C1RL: variants seen among roughly 807,000 people sequenced by gnomAD.
C1RL encodes complement C1r subcomponent like.
C1RL carries 27 observed loss-of-function variants against 27.9 expected under a neutral mutation model. The observed-to-expected ratio is 0.97, with a 90% CI of 0.71 to 1.33. C1RL has a LOEUF of 1.33. Among genes scored for constraint, C1RL ranks in the 40% most tolerant of loss-of-function variants. The pLI is 0.00. For synonymous variants in C1RL, 248 were observed against 252.1 expected, an observed-to-expected ratio of 0.98 and a Z score of 0.15; for missense variants, 563 against 623.9, an observed-to-expected ratio of 0.90 and a Z score of 1.04.
At chr12:7,099,073 A>T (rs1938535111) in intron 5 of C1RL, among the ~76,000 whole-genome samples, 1 of 150,942 alleles carries the variant, frequency 6.6e-6, no homozygotes. Context: ...TAAAATAAAA[A>T]AATGAGCTGG....
rs780421265 is a variant in C1RL, at chr12:7,098,983, G to A, written c.691+703C>T. On this transcript the variant is annotated intron_variant, in intron 5 of 5. Coordinates refer to ENST00000266542, the MANE Select transcript of C1RL (RefSeq NM_016546.4). ...GGCTGAGGCGGGACGATCACCTGAGGTCAGGAGTTCAAGACCAGCCTGACC... is the reference window on the plus strand; with the variant it reads ...GGCTGAGGCGGGACGATCACCTGAGATCAGGAGTTCAAGACCAGCCTGACC... Among the ~76,000 whole-genome samples, 3 of 151,018 alleles carry A rather than the reference G, an allele frequency of 2.0e-5. No homozygotes were observed. In the East Asian group the frequency reaches 5.8e-4, roughly 29 times the overall value.
At chr12:7,109,021 A>AGGGGGGGGGGGGGGGGGGGGGGGGGGGG (rs1938872852) in intron 1 of C1RL, 89 bp downstream of exon 1, 1 of 290,364 alleles carries the variant, frequency 3.4e-6, no homozygotes, top group African/African-American at 1.5e-4. Context: ...TGGGGGGGGT[A>AGGGGGGGGGGGGGGGGGGGGGGGGGGGG]GGGTGGGGGG....
At chr12:7,097,917 C>T (rs1057486367) in intron 5 of C1RL, among the ~76,000 whole-genome samples, 1 of 152,172 alleles carries the variant, frequency 6.6e-6, no homozygotes, top group Non-Finnish European at 1.5e-5. Flanking sequence ...ATCCCCAAAG[C>T]ACTGCGAGTG....
intron 2 of C1RL, among the ~76,000 whole-genome samples, chr12:7,103,763 G>A (rs1018375497): frequency 1.3e-5 from 2 of 151,984 alleles, no homozygotes; most frequent in African/African-American, 4.8e-5. Flanking sequence ...TTTGAGGGGT[G>A]TGTGTGTGTG....
At chr12:7,101,304 C>T (rs947924696) in intron 3 of C1RL, among the ~76,000 whole-genome samples, 15 of 149,790 alleles carry the variant, frequency 1.0e-4, no homozygotes, top group Admixed American at 6.0e-4. Context: ...CTAGTTTCTC[C>T]GTGTCTCCCA....
intron 2 of C1RL, among the ~76,000 whole-genome samples, chr12:7,103,443 G>T (rs935839670): frequency 6.6e-5 from 10 of 152,156 alleles, no homozygotes; most frequent in Non-Finnish European, 1.3e-4. Context: ...TGGTCTGTGT[G>T]GCCTCTTCCA....
In C1RL at chr12:7,096,645, C is replaced by A; in HGVS notation, c.1210G>T (p.Ala404Ser). The A allele has an allele frequency of 1.2e-6, 2 of 1,614,162 alleles. No individual in the cohort carries two copies. Among genetic ancestry groups the A allele is most frequent in the Admixed American group, 3.3e-5 (2 of 60,028 alleles). The change falls in exon 6 of 6, where the codon GCC becomes TCC. Residue 404 changes from alanine (A) to serine (S), a missense_variant. Transcript: ENST00000266542. ...LPVAPREACN[A>S]WLQKRQRPEV... is the part of the protein sequence containing the mutation. The stretch of plus-strand genomic sequence containing the variant: ...GGTCTCTGTCTCTTTTGGAGCCAGG[C>A]GTTGCAGGCCTCCCTGGGAGCTACA...
At chr12:7,097,352 G>A in intron 5 of C1RL, 189 bp from the exon 6 acceptor site, 1 of 555,212 alleles carries the variant, frequency 1.8e-6, no homozygotes, top group East Asian at 3.2e-5. Flanking sequence ...GCGCGATCTC[G>A]GCTCACTGCA....
Position 7,096,248 on chromosome 12 carries a change from T to A in C1RL, c.*143A>T. 7.0e-7 allele frequency: 1 copy of A among 1,419,484 alleles called. No homozygotes were observed. The highest frequency in any genetic ancestry group is 9.2e-7 in the Non-Finnish European group (1 of 1,090,984). The allele number at this position is 1,419,484 out of a possible 1,614,324, so 87.9% of individuals were successfully genotyped here. A position where few individuals can be genotyped will look rare whatever the true frequency, so the allele number is the denominator to read the frequency against. ...GGGGGTTTCTCTTGCAGTGGCTTGG[T>A]GCAACAGTGATGTGAATAGGATTTC... On this transcript the variant is annotated 3_prime_UTR_variant, in exon 6 of 6. Transcript: ENST00000266542.
At chr12:7,101,111 C>CTCCCTCCCTCCTTCCTTTCCTTCCTTCCT (rs1565636796) in intron 3 of C1RL, among the ~76,000 whole-genome samples, 1 of 11,140 alleles carries the variant, frequency 9.0e-5, no homozygotes, top group African/African-American at 3.7e-4. Flanking sequence ...CCTTCCTTCC[C>CTCCCTCCCTCCTTCCTTTCCTTCCTTCCT]TCCCTCCCTC....
Position 7,095,786 on chromosome 12 carries a change from T to G in C1RL, c.*605A>C, listed in dbSNP as rs933169050. 6 of 756,766 alleles carry G rather than the reference T, an allele frequency of 7.9e-6. No homozygotes were observed. The African/African-American group carries it at 1.1e-4, about 14-fold the overall frequency. The allele number at this position is 756,766 out of a possible 1,614,324, so 46.9% of individuals were successfully genotyped here. ...CCCTGAGCCTCAGTTTCCTCATTTG[T>G]CACACATAGATAATAACACATCCTT... On this transcript the variant is annotated 3_prime_UTR_variant, in exon 6 of 6. Coordinates refer to ENST00000266542, the MANE Select transcript of C1RL (RefSeq NM_016546.4).
At chr12:7,099,225 CAAAAAAAAAAAAAAAAA>C (rs1180325788) in intron 5 of C1RL, among the ~76,000 whole-genome samples, 3 of 44,372 alleles carry the variant, frequency 6.8e-5, no homozygotes, top group Non-Finnish European at 1.2e-4. Context: ...AACTCCATCC[CAAAAAAAAAAAAAAAAA>C]AAAAAAAAAA....
Position 7,108,338 on chromosome 12 carries a change from G to C in C1RL, c.213C>G (p.Ile71Met), listed in dbSNP as rs768798236. Reference protein sequence around the residue: ...YGKGQESSTDIKAPEGFAVRL... With the variant: ...YGKGQESSTDMKAPEGFAVRL... The stretch of plus-strand genomic sequence containing the variant: ...TCACAGCAAAGCCCTCTGGAGCCTT[G>C]ATGTCCGTGCTGCTCTCTTGGCCTT... The change falls in exon 2 of 6, where the codon ATC becomes ATG. Residue 71 changes from isoleucine (I) to methionine (M), a missense_variant. Physicochemically the swap from Ile to Met is conservative, Grantham distance 10 (BLOSUM62 1). Transcript: ENST00000266542. 1.1e-5 allele frequency: 18 copies of C among 1,614,258 alleles called. No individual in the cohort carries two copies. The Middle Eastern group carries it at 2.1e-3, about 192-fold the overall frequency.
rs748226344 is a variant in C1RL at position 7,108,432 on chromosome 12, C to A, written c.119G>T (p.Gly40Val). The change falls in exon 2 of 6, where the codon GGC becomes GTC. Residue 40 changes from glycine to valine, a missense_variant. By Grantham distance (109) the Gly-to-Val change is moderately radical (BLOSUM62 -3). Transcript: ENST00000266542. ...WGVLQACPTR[G>V]SVLLAQELPQ... is the part of the protein sequence containing the mutation. ...TAGCTCTTGGGCCAAGAGGACGGAG[C>A]CCCGGGTTGGGCAAGCCTGGAGGAC... 6.8e-6 allele frequency: 11 copies of A among 1,611,856 alleles called. No individual in the cohort carries two copies. The highest frequency in any genetic ancestry group is 1.1e-5 in the South Asian group (1 of 90,818).
chr12:7,099,248 A>G (rs1157169448), intron 5 of C1RL, among the ~76,000 whole-genome samples: 6 of 148,746 alleles, frequency 4.0e-5, no homozygotes, highest in Non-Finnish European at 9.0e-5. Flanking sequence ...AAAAAAAAAA[A>G]AAAAAAGTGA....
rs1025851184 is a variant in C1RL at position 7,103,612 on chromosome 12, G to T, written c.301-1525C>A. On this transcript the variant is annotated intron_variant, in intron 2 of 5. Transcript: ENST00000266542. The stretch of plus-strand genomic sequence containing the variant: ...ACTTATTCCTTTAACACATTTACTG[G>T]TTGTGTACTATGTGTAAGATACTGT... Among the ~76,000 whole-genome samples the T allele has an allele frequency of 1.4e-4, 22 of 152,312 alleles. No individual in the cohort carries two copies. In the East Asian group the frequency reaches 4.2e-3, roughly 29 times the overall value.
intron 5 of C1RL, among the ~76,000 whole-genome samples, chr12:7,097,790 G>C (rs1347065962): frequency 6.6e-6 from 1 of 152,140 alleles, no homozygotes; most frequent in African/African-American, 2.4e-5. Context: ...AAAGCCATTC[G>C]TTTGGACCAT....
Position 7,096,282 on chromosome 12 carries a change from C to T in C1RL, c.*109G>A. On this transcript the variant is annotated 3_prime_UTR_variant, in exon 6 of 6. Transcript: ENST00000266542. Reference sequence around the variant, plus strand: ...GATGTGAATAGGATTTCCCTGCCTCCCCCAACCCCCCACCCCCAACCCCTA... The same window carrying T: ...GATGTGAATAGGATTTCCCTGCCTCTCCCAACCCCCCACCCCCAACCCCTA... 3.3e-6 allele frequency: 3 copies of T among 895,544 alleles called. No homozygotes were observed. Among genetic ancestry groups the T allele is most frequent in the South Asian group, 2.2e-5 (1 of 44,620 alleles). The allele number at this position is 895,544 out of a possible 1,614,324, so 55.5% of individuals were successfully genotyped here.
Position 7,100,224 on chromosome 12 carries a change from G to C in C1RL, c.491-198C>G, listed in dbSNP as rs754299396. ...AAGATAACTGTGACAAGCAGGGTAGGGGGGAACAGGCACTTCCATATATGT... is the reference window on the plus strand; with the variant it reads ...AAGATAACTGTGACAAGCAGGGTAGCGGGGAACAGGCACTTCCATATATGT... On this transcript the variant is annotated intron_variant, in intron 3 of 5. Transcript: ENST00000266542. Among the ~76,000 whole-genome samples, 4 of 152,282 alleles carry C rather than the reference G, an allele frequency of 2.6e-5. No homozygotes were observed. In the East Asian group the frequency reaches 5.8e-4, roughly 22 times the overall value.
Sources: gnomAD v4.1 joint callset for allele counts (sites outside exome capture counted in the v4.1 genomes callset) on GRCh38, gnomAD v4.1.1 for gene constraint, MANE v1.5 for transcripts, NCBI Gene and HGNC (gene_info 2026-07-23, HGNC 2026-07-21) for gene names.